The following ZBTB49 variants were observed in gnomAD, a reference collection of about 807,000 sequenced individuals.
The protein encoded by ZBTB49 is zinc finger and BTB domain-containing protein 49.
In ZBTB49, 43 loss-of-function variants were observed where a neutral mutation model predicts 57.5. The observed-to-expected ratio is 0.75, with a 90% confidence interval of 0.59 to 0.97. The LOEUF (loss-of-function observed/expected upper bound fraction) is 0.97, where lower values mean the gene tolerates loss of function less well. Ranked by LOEUF, ZBTB49 falls within the 50% of genes least tolerant of loss-of-function variation. The pLI is 0.00. For missense variants in ZBTB49, 938 were observed against 947.7 expected (o/e 0.99, Z 0.13); for synonymous variants, 369 against 362.1 (o/e 1.02, Z -0.22).
chr4:4,314,297 A>G (rs1237328909), intron 5 of ZBTB49, among the ~76,000 whole-genome samples: 3 of 152,186 alleles, frequency 2.0e-5, no homozygotes, highest in Admixed American at 6.5e-5. Flanking sequence ...TGGCCCCTGC[A>G]TGTCTTGTTT....
intron 1 of ZBTB49, among the ~76,000 whole-genome samples, chr4:4,292,178 G>A (rs372631305): frequency 6.6e-6 from 1 of 152,192 alleles, no homozygotes; most frequent in Non-Finnish European, 1.5e-5. Flanking sequence ...CTACTCGGGA[G>A]GCTGAGGCAG....
At chr4:4,314,016 G>C (rs1008962082) in intron 5 of ZBTB49, among the ~76,000 whole-genome samples, 3 of 152,220 alleles carry the variant, frequency 2.0e-5, no homozygotes, top group African/African-American at 7.2e-5. Flanking sequence ...GATAGTCACG[G>C]GGTCAGTTAG....
intron 2 of ZBTB49, among the ~76,000 whole-genome samples, chr4:4,301,480 T>A (rs1464280613): frequency 6.6e-6 from 1 of 152,170 alleles, no homozygotes; most frequent in Non-Finnish European, 1.5e-5. Flanking sequence ...TCTAGGCACT[T>A]AGATGTGGAA....
chr4:4,296,716 T>G (rs922765361), intron 1 of ZBTB49, among the ~76,000 whole-genome samples: 14 of 152,290 alleles, frequency 9.2e-5, no homozygotes, highest in African/African-American at 3.4e-4. Context: ...TAGATAGCTA[T>G]TTTGAAAAGT....
intron 1 of ZBTB49, among the ~76,000 whole-genome samples, chr4:4,299,159 A>G (rs1384274586): frequency 6.6e-6 from 1 of 151,910 alleles, no homozygotes; most frequent in Non-Finnish European, 1.5e-5. Context: ...ATCTCCTGCC[A>G]CTCACTCAGC....
At chr4:4,314,676 C>T (rs1323089118) in intron 5 of ZBTB49, among the ~76,000 whole-genome samples, 1 of 152,194 alleles carries the variant, frequency 6.6e-6, no homozygotes, top group Non-Finnish European at 1.5e-5. Flanking sequence ...CCAGCCAAGG[C>T]GTGTGTTTGA....
intron 1 of ZBTB49, among the ~76,000 whole-genome samples, chr4:4,294,383 G>A (rs1720088850): frequency 6.6e-6 from 1 of 152,092 alleles, no homozygotes; most frequent in Admixed American, 6.5e-5. Context: ...TTGAGATGGA[G>A]TCTCGTTCTG....
chr4:4,320,040 G>A (rs1156757105), intron 7 of ZBTB49, among the ~76,000 whole-genome samples: 1 of 152,168 alleles, frequency 6.6e-6, no homozygotes, highest in East Asian at 1.9e-4. Context: ...CTCCAGCCTG[G>A]GCGATTTTTT....
At chr4:4,301,117 G>C (rs1366454919) in intron 2 of ZBTB49, among the ~76,000 whole-genome samples, 2 of 152,098 alleles carry the variant, frequency 1.3e-5, no homozygotes, top group African/African-American at 2.4e-5. Context: ...GTCTTCCCAG[G>C]ACAGTTAAAT....
intron 1 of ZBTB49, among the ~76,000 whole-genome samples, chr4:4,293,552 G>T (rs1720044557): frequency 6.6e-6 from 1 of 152,152 alleles, no homozygotes; most frequent in Admixed American, 6.5e-5. Context: ...CAGGTTTTCT[G>T]TTGCTGTGTA....
intron 3 of ZBTB49, among the ~76,000 whole-genome samples, chr4:4,303,803 C>T (rs186702221): frequency 9.0e-4 from 120 of 133,120 alleles, no homozygotes; most frequent in Middle Eastern, 3.9e-3. Flanking sequence ...TATCTCCACA[C>T]ACACACATTA....
Position 4,303,772 on chromosome 4 carries a change from C to G in ZBTB49, c.1255+681C>G, listed in dbSNP as rs796204632. Among the ~76,000 whole-genome samples the G allele has an allele frequency of 1.1e-3, 61 of 57,434 alleles. 1 individual carries two copies. The highest frequency in any genetic ancestry group is 5.3e-3 in the East Asian group (11 of 2,084). 37.7% of individuals were successfully genotyped at this position (57,434 alleles called of 152,430 possible). A position where few individuals can be genotyped will look rare whatever the true frequency, so the allele number is the denominator to read the frequency against. On this transcript the variant is annotated intron_variant, in intron 3 of 7. Coordinates refer to ENST00000337872, the MANE Select transcript of ZBTB49 (RefSeq NM_145291.4). ...TCTCTCTCTCTCTCTGTGTGTGTGTCTCTCTCTCTCTCTATATATATATCT... is the reference window on the plus strand; with the variant it reads ...TCTCTCTCTCTCTCTGTGTGTGTGTGTCTCTCTCTCTCTATATATATATCT...
intron 1 of ZBTB49, among the ~76,000 whole-genome samples, chr4:4,298,798 A>C (rs1720335980): frequency 1.3e-5 from 2 of 152,014 alleles, no homozygotes; most frequent in African/African-American, 4.8e-5. Context: ...CTCTTCCATA[A>C]ATCATCCCCT....
At chr4:4,307,651 C>T (rs1412827711) in intron 4 of ZBTB49, among the ~76,000 whole-genome samples, 1 of 152,166 alleles carries the variant, frequency 6.6e-6, no homozygotes, top group East Asian at 1.9e-4. Flanking sequence ...ATCCTCATGA[C>T]CCCCAGATGC....
At chr4:4,291,346 C>A (rs1340108630) in intron 1 of ZBTB49, among the ~76,000 whole-genome samples, 2 of 152,180 alleles carry the variant, frequency 1.3e-5, no homozygotes, top group Non-Finnish European at 1.5e-5. Context: ...GTTTTCACAT[C>A]TCTGGCGTCT....
intron 4 of ZBTB49, among the ~76,000 whole-genome samples, 183 bp downstream of exon 4, chr4:4,306,367 A>G (rs985074065): frequency 2.0e-5 from 3 of 152,230 alleles, no homozygotes; most frequent in African/African-American, 7.2e-5. Flanking sequence ...CTTTGAGAGA[A>G]AAATAGCATT....
At chr4:4,305,754 G>T (rs1720707114) in intron 3 of ZBTB49, among the ~76,000 whole-genome samples, 1 of 152,208 alleles carries the variant, frequency 6.6e-6, no homozygotes, top group Admixed American at 6.5e-5. Flanking sequence ...CAGTGACCCT[G>T]TGTCTGTTAG....
chr4:4,321,504 C>G lies in ZBTB49; in HGVS notation c.*188C>G. On this transcript the variant is annotated 3_prime_UTR_variant, in exon 8 of 8. Transcript: ENST00000337872. ...GGGTGTGAGGGGGAGGGCCTGCTGG[C>G]TCACCGTGAGGCAGCCGCGGGAGGG... The G allele has an allele frequency of 1.5e-6, 1 of 679,960 alleles. No individual in the cohort carries two copies. The highest frequency in any genetic ancestry group is 2.4e-6 in the Non-Finnish European group (1 of 414,828). The allele number at this position is 679,960 out of a possible 1,614,324, so 42.1% of individuals were successfully genotyped here. A position where few individuals can be genotyped will look rare whatever the true frequency, so the allele number is the denominator to read the frequency against.
At chr4:4,306,111 A>T (rs748656169) in intron 3 of ZBTB49, 27 bp from the exon 4 acceptor site, 1 of 1,605,680 alleles carries the variant, frequency 6.2e-7, no homozygotes, top group South Asian at 1.1e-5. Context: ...TAATGATTTT[A>T]CAAGTTGTTG....
Sources: allele counts gnomAD v4.1 joint callset (sites outside exome capture counted in the v4.1 genomes callset), GRCh38; gene constraint gnomAD v4.1.1; transcripts MANE v1.5; gene names NCBI Gene and HGNC (gene_info 2026-07-23, HGNC 2026-07-21).